Variants in MAGI1 observed in about 807,000 individuals in gnomAD.
MAGI1 encodes the protein membrane-associated guanylate kinase, WW and PDZ domain-containing protein 1.
Under a neutral mutation model 139.9 loss-of-function variants are expected in MAGI1, and 58 were observed. The ratio of observed to expected loss-of-function variants is 0.41; its 90% confidence interval spans 0.34 to 0.52. The LOEUF (loss-of-function observed/expected upper bound fraction) is 0.52, where lower values mean the gene tolerates loss of function less well. Ranked by LOEUF, MAGI1 falls within the 20% of genes least tolerant of loss-of-function variation. The pLI is 0.12. For missense variants in MAGI1, 1,874 were observed against 1,901.6 expected (o/e 0.99, Z 0.27); for synonymous variants, 812 against 737.9 (o/e 1.10, Z -1.63).
chr3:65,875,898 G>A (rs528169105), intron 1 of MAGI1, among the ~76,000 whole-genome samples: 41 of 152,290 alleles, frequency 2.7e-4, no homozygotes, highest in Admixed American at 1.2e-3. Context: ...GTGGCTGAGA[G>A]GGGATGAGAG....
At chr3:65,863,932 A>C (rs1249397925) in intron 1 of MAGI1, among the ~76,000 whole-genome samples, 1 of 152,210 alleles carries the variant, frequency 6.6e-6, no homozygotes, top group Non-Finnish European at 1.5e-5. Flanking sequence ...CTCCCAGAGT[A>C]ACTTTCCCTC....
At chr3:65,379,576 G>A (rs1942864170) in intron 16 of MAGI1, 22 bp from the exon 17 acceptor site, 8 of 1,588,544 alleles carry the variant, frequency 5.0e-6, no homozygotes, top group Non-Finnish European at 6.0e-6. Flanking sequence ...AGATGCACGC[G>A]TACATCACCG....
intron 5 of MAGI1, among the ~76,000 whole-genome samples, chr3:65,465,615 G>C (rs1489324357): frequency 6.6e-6 from 1 of 151,950 alleles, no homozygotes; most frequent in South Asian, 2.1e-4. Flanking sequence ...CATTTTACTT[G>C]TTTCACTAAC....
chr3:65,890,305 C>T (rs2060696167), intron 1 of MAGI1, among the ~76,000 whole-genome samples: 1 of 152,192 alleles, frequency 6.6e-6, no homozygotes, highest in Non-Finnish European at 1.5e-5. Context: ...GCGGAGCTTG[C>T]AGTGAGCAGA....
intron 2 of MAGI1, among the ~76,000 whole-genome samples, chr3:65,589,571 A>C (rs1207346325): frequency 6.6e-6 from 1 of 152,028 alleles, no homozygotes; most frequent in Non-Finnish European, 1.5e-5. Flanking sequence ...CCCTGCATTA[A>C]CTTCATTCCC....
chr3:65,618,164 A>T (rs2083471187), intron 2 of MAGI1, among the ~76,000 whole-genome samples: 1 of 152,168 alleles, frequency 6.6e-6, no homozygotes, highest in Admixed American at 6.5e-5. Flanking sequence ...AGAAGACACA[A>T]AGTGTGTTTG....
intron 1 of MAGI1, among the ~76,000 whole-genome samples, chr3:65,682,670 G>C (rs368553065): frequency 1.3e-5 from 2 of 152,132 alleles, no homozygotes; most frequent in East Asian, 1.9e-4. Context: ...AAAATCTTTA[G>C]GATATAGGGC....
rs74776657 is a variant in MAGI1 at position 65,692,133 on chromosome 3, C to T, written c.314-70045G>A. ...TTTTAAAAAAAAAATGTGATCTGGACATTCCTAGATCAGATGTTCTAACTT... is the reference window on the plus strand; with the variant it reads ...TTTTAAAAAAAAAATGTGATCTGGATATTCCTAGATCAGATGTTCTAACTT... On this transcript the variant is annotated intron_variant, in intron 1 of 22. Coordinates refer to ENST00000402939, the MANE Select transcript of MAGI1 (RefSeq NM_001033057.2). 5.8e-3 allele frequency among the ~76,000 whole-genome samples: 885 copies of T among 151,992 alleles called. 5 individuals are homozygous for T. The highest frequency in any genetic ancestry group is 0.02 in the African/African-American group (826 of 41,472).
intron 1 of MAGI1, among the ~76,000 whole-genome samples, chr3:65,707,212 AG>A (rs1158714069): frequency 1.3e-5 from 2 of 152,236 alleles, no homozygotes; most frequent in East Asian, 3.9e-4. Context: ...TAATCTAAAA[AG>A]TGAACCTGCC....
intron 1 of MAGI1, among the ~76,000 whole-genome samples, chr3:65,923,837 G>A (rs17074142): frequency 0.041 from 6,191 of 152,214 alleles, 406 homozygotes; most frequent in African/African-American, 0.14. Flanking sequence ...AAAAAAGAGC[G>A]TTGTTTCCTC....
chr3:65,519,334 TGACACACACACACA>T (rs1233193244), intron 2 of MAGI1, among the ~76,000 whole-genome samples: 2 of 104,872 alleles, frequency 1.9e-5, no homozygotes, highest in South Asian at 3.8e-4. Context: ...TATCATGATC[TGACACACACACACA>T]CACACACACA....
At chr3:65,933,009 A>T (rs2106749811) in intron 1 of MAGI1, among the ~76,000 whole-genome samples, 1 of 152,364 alleles carries the variant, frequency 6.6e-6, no homozygotes, top group South Asian at 2.1e-4. Context: ...TCTAGGCAGC[A>T]CCTAAGACCA....
intron 1 of MAGI1, among the ~76,000 whole-genome samples, chr3:65,719,285 A>ATG (rs60689301): frequency 2.6e-3 from 394 of 149,632 alleles, no homozygotes; most frequent in East Asian, 0.013. Context: ...ATACACATAT[A>ATG]TGTGTGTGTG....
At chr3:65,507,646 C>T (rs979813474) in intron 2 of MAGI1, among the ~76,000 whole-genome samples, 1 of 152,220 alleles carries the variant, frequency 6.6e-6, no homozygotes, top group Non-Finnish European at 1.5e-5. Flanking sequence ...CTATAAATCA[C>T]AATCCAAAAA....
At chr3:65,851,514 C>T (rs1168530162) in intron 1 of MAGI1, among the ~76,000 whole-genome samples, 1 of 151,962 alleles carries the variant, frequency 6.6e-6, no homozygotes, top group African/African-American at 2.4e-5. Flanking sequence ...TTTGGGAGGC[C>T]GAGGTGGGCG....
intron 14 of MAGI1, among the ~76,000 whole-genome samples, chr3:65,386,136 C>T (rs1240942988): frequency 2.0e-5 from 3 of 151,948 alleles, no homozygotes; most frequent in Non-Finnish European, 2.9e-5. Flanking sequence ...CCTACAGTGA[C>T]ACCAAATGTA....
Position 65,602,038 on chromosome 3 carries a change from T to G in MAGI1, c.430+19934A>C, listed in dbSNP as rs1439939732. On this transcript the variant is annotated intron_variant, in intron 2 of 22. Transcript: ENST00000402939. ...AAATCAAAACCACAATGACATCCCA[T>G]TCATACCCACTAAAATGGCTATAAT... Among the ~76,000 whole-genome samples, 5 of 152,110 alleles carry G rather than the reference T, an allele frequency of 3.3e-5. 1 individual carries two copies. Among genetic ancestry groups the G allele is most frequent in the Admixed American group, 3.3e-4 (5 of 15,276 alleles).
At chr3:65,763,097 G>A (rs796701697) in intron 1 of MAGI1, among the ~76,000 whole-genome samples, 38 of 152,194 alleles carry the variant, frequency 2.5e-4, no homozygotes, top group African/African-American at 9.2e-4. Flanking sequence ...TTTCCTTCCT[G>A]AAAGCAGTGA....
chr3:65,485,138 C>T (rs1279592791), intron 3 of MAGI1, among the ~76,000 whole-genome samples: 1 of 152,222 alleles, frequency 6.6e-6, no homozygotes, highest in African/African-American at 2.4e-5. Flanking sequence ...ACTCACAACA[C>T]TTTCTTTCCA....
Sources: allele counts gnomAD v4.1 joint callset (sites outside exome capture counted in the v4.1 genomes callset), GRCh38; gene constraint gnomAD v4.1.1; transcripts MANE v1.5; gene names NCBI Gene and HGNC (gene_info 2026-07-23, HGNC 2026-07-21).